Variants in RANBP17 observed in about 807,000 individuals in gnomAD.
RANBP17 encodes the protein ran-binding protein 17.
RANBP17 carries 158 observed loss-of-function variants against 141.2 expected under a neutral mutation model. That is an observed-to-expected ratio of 1.12 (90% CI 0.98 to 1.28). The LOEUF (loss-of-function observed/expected upper bound fraction) is 1.28, where lower values mean the gene tolerates loss of function less well. Among genes scored for constraint, RANBP17 ranks in the 50% most tolerant of loss-of-function variants. The pLI is 0.00. For missense variants in RANBP17, 1,438 were observed against 1,290.7 expected (o/e 1.11, Z -1.75); for synonymous variants, 430 against 450.0 (o/e 0.96, Z 0.56).
At chr5:171,147,216 T>C (rs953186027) in intron 14 of RANBP17, among the ~76,000 whole-genome samples, 8 of 152,032 alleles carry the variant, frequency 5.3e-5, no homozygotes, top group African/African-American at 1.9e-4. Context: ...GAGAAGCCCC[T>C]GGTTAGCACA....
intron 12 of RANBP17, among the ~76,000 whole-genome samples, chr5:170,937,982 A>G (rs1293488837): frequency 1.3e-5 from 2 of 152,090 alleles, no homozygotes; most frequent in African/African-American, 4.8e-5. Flanking sequence ...TACAGTAAGT[A>G]CGTGAAATTT....
At chr5:171,164,113 G>C (rs1028210748) in intron 14 of RANBP17, among the ~76,000 whole-genome samples, 1 of 152,010 alleles carries the variant, frequency 6.6e-6, no homozygotes, top group Non-Finnish European at 1.5e-5. Flanking sequence ...GTTTCATGTG[G>C]TGCTTTTGAG....
At chr5:171,278,556 G>A (rs571639183) in intron 25 of RANBP17, among the ~76,000 whole-genome samples, 3 of 152,216 alleles carry the variant, frequency 2.0e-5, no homozygotes, top group East Asian at 3.9e-4. Flanking sequence ...AATTGAAGAC[G>A]TGAAAACTCA....
intron 14 of RANBP17, among the ~76,000 whole-genome samples, chr5:171,156,311 A>G (rs1301317269): frequency 2.0e-5 from 3 of 152,120 alleles, no homozygotes; most frequent in Admixed American, 6.5e-5. Context: ...CTAGGAACAT[A>G]AATTAGAAGA....
At chr5:170,959,762 C>T (rs1047058946) in intron 13 of RANBP17, among the ~76,000 whole-genome samples, 2 of 152,130 alleles carry the variant, frequency 1.3e-5, no homozygotes, top group Admixed American at 1.3e-4. Context: ...ACTAAGAAAA[C>T]CATAAGGAAG....
intron 13 of RANBP17, among the ~76,000 whole-genome samples, chr5:170,966,147 T>C (rs1776544414): frequency 6.6e-6 from 1 of 151,964 alleles, no homozygotes; most frequent in Admixed American, 6.6e-5. Flanking sequence ...CTTCTGAAAC[T>C]ATTCCAATCA....
chr5:171,296,598 T>TA (rs1467309507), intron 27 of RANBP17, among the ~76,000 whole-genome samples: 1 of 152,210 alleles, frequency 6.6e-6, no homozygotes, highest in Non-Finnish European at 1.5e-5. Context: ...CATAATGATG[T>TA]AAAAATATTA....
intron 25 of RANBP17, chr5:171,271,701 C>T (rs1767125618): frequency 9.5e-6 from 2 of 209,882 alleles, no homozygotes; most frequent in Middle Eastern, 1.5e-3. Flanking sequence ...ACTGAAAGAA[C>T]ATTCACAACT....
At chr5:171,087,345 C>G (rs1785747478) in intron 14 of RANBP17, among the ~76,000 whole-genome samples, 1 of 151,940 alleles carries the variant, frequency 6.6e-6, no homozygotes, top group African/African-American at 2.4e-5. Flanking sequence ...GTTATAATTT[C>G]TGTTCTTTTA....
chr5:170,888,133 T>C (rs1451855359), intron 3 of RANBP17, among the ~76,000 whole-genome samples: 1 of 152,232 alleles, frequency 6.6e-6, no homozygotes, highest in Non-Finnish European at 1.5e-5. Context: ...CCAACTTTGT[T>C]CTTCTTCGGT....
At position 170,953,692 on chromosome 5, in the gene RANBP17, T is replaced by A. The variant is rs555296680; in HGVS notation, c.1564T>A (p.Leu522Ile). ...TDEHDAMDGE[L>I]SCRVFQLISL... Reference sequence around the variant, plus strand: ...TGAGCATGATGCTATGGATGGAGAATTATCCTGTCGGTAAGTAAGAGCTAT... The same window carrying A: ...TGAGCATGATGCTATGGATGGAGAAATATCCTGTCGGTAAGTAAGAGCTAT... Residue 522 changes from leucine (L) to isoleucine (I), a missense_variant, in exon 13 of 28, where the codon TTA becomes ATA. Physicochemically the swap from Leu to Ile is conservative, Grantham distance 5. Transcript: ENST00000523189. The A allele has an allele frequency of 1.3e-6, 2 of 1,596,518 alleles. No individual in the cohort carries two copies. The highest frequency in any genetic ancestry group is 1.7e-6 in the Non-Finnish European group (2 of 1,165,130).
chr5:171,080,295 C>T (rs1234082369), intron 14 of RANBP17, among the ~76,000 whole-genome samples: 3 of 151,616 alleles, frequency 2.0e-5, no homozygotes, highest in African/African-American at 7.3e-5. Flanking sequence ...TCCAGCATGG[C>T]CTACTGATTT....
intron 14 of RANBP17, among the ~76,000 whole-genome samples, chr5:171,162,804 G>A (rs1270355327): frequency 1.3e-5 from 2 of 152,132 alleles, no homozygotes; most frequent in African/African-American, 4.8e-5. Flanking sequence ...GCAGCAGGCA[G>A]CCCTGCACCC....
At chr5:170,998,027 A>G (rs1581352786) in intron 14 of RANBP17, among the ~76,000 whole-genome samples, 1 of 151,666 alleles carries the variant, frequency 6.6e-6, no homozygotes, top group Admixed American at 6.6e-5. Flanking sequence ...AGGCGGGCGG[A>G]TCACATGAGG....
chr5:171,144,309 T>G (rs181975471), intron 14 of RANBP17, among the ~76,000 whole-genome samples: 1 of 151,548 alleles, frequency 6.6e-6, no homozygotes, highest in East Asian at 2.0e-4. Context: ...GAGGTTACAG[T>G]GAACCAAAAT....
intron 22 of RANBP17, among the ~76,000 whole-genome samples, chr5:171,231,669 A>G (rs1764218046): frequency 6.6e-6 from 1 of 152,208 alleles, no homozygotes; most frequent in South Asian, 2.1e-4. Flanking sequence ...ATACATAATT[A>G]TTTCAAAATA....
chr5:171,070,914 C>A (rs1478623345), intron 14 of RANBP17, among the ~76,000 whole-genome samples: 1 of 152,062 alleles, frequency 6.6e-6, no homozygotes, highest in African/African-American at 2.4e-5. Flanking sequence ...TTTAACCTGT[C>A]TCCAATATAG....
At chr5:171,105,718 A>T (rs995059332) in intron 14 of RANBP17, among the ~76,000 whole-genome samples, 2 of 79,494 alleles carry the variant, frequency 2.5e-5, no homozygotes, top group African/African-American at 6.8e-5. Flanking sequence ...AACTTGTCTC[A>T]AAAAGAAAAA....
At chr5:171,158,120 C>T (rs1381184746) in intron 14 of RANBP17, among the ~76,000 whole-genome samples, 2 of 152,174 alleles carry the variant, frequency 1.3e-5, no homozygotes, top group East Asian at 3.9e-4. Flanking sequence ...CTAGTATTAG[C>T]AATGGTGAAT....
Sources: allele counts gnomAD v4.1 joint callset (sites outside exome capture counted in the v4.1 genomes callset), GRCh38; gene constraint gnomAD v4.1.1; transcripts MANE v1.5; gene names NCBI Gene and HGNC (gene_info 2026-07-23, HGNC 2026-07-21).